The following SPMIP3 variants were observed in gnomAD, a reference collection of about 807,000 sequenced individuals.
SPMIP3 encodes sperm microtubule inner protein 3.
the SPMIP3 span, among the ~76,000 whole-genome samples, chr1:244,368,371 C>T: frequency 4.6e-5 from 7 of 152,232 alleles, no homozygotes; most frequent in Non-Finnish European, 7.3e-5. Flanking sequence ...ATCTGAACTC[C>T]TTTAACCTTC....
the SPMIP3 span, among the ~76,000 whole-genome samples, chr1:244,353,796 C>A: frequency 6.6e-6 from 1 of 152,150 alleles, no homozygotes; most frequent in Non-Finnish European, 1.5e-5. Context: ...GGGAAAACTG[C>A]CTGCCTGAGA....
chr1:244,355,280 T>G, the SPMIP3 span, among the ~76,000 whole-genome samples: 5 of 152,330 alleles, frequency 3.3e-5, no homozygotes, highest in Admixed American at 1.3e-4. Flanking sequence ...GGGTGTTAGC[T>G]GAGGTTCTTC....
At chr1:244,375,339 G>A in the SPMIP3 span, 1 of 1,526,570 alleles carries the variant, frequency 6.6e-7, no homozygotes, top group African/African-American at 1.4e-5. Flanking sequence ...TGTAAGAATG[G>A]CTTTCTTCTC....
At chr1:244,369,856 C>T in the SPMIP3 span, among the ~76,000 whole-genome samples, 3 of 151,172 alleles carry the variant, frequency 2.0e-5, no homozygotes, top group African/African-American at 7.4e-5. Flanking sequence ...TCTGCCTAGC[C>T]GGGTCACGTT....
the SPMIP3 span, among the ~76,000 whole-genome samples, chr1:244,356,403 C>T: frequency 3.9e-5 from 6 of 152,070 alleles, no homozygotes; most frequent in Admixed American, 1.3e-4. Context: ...TTATATAATG[C>T]CAAAAATCTA....
the SPMIP3 span, among the ~76,000 whole-genome samples, chr1:244,356,678 T>C: frequency 1.3e-5 from 2 of 152,202 alleles, no homozygotes; most frequent in East Asian, 3.8e-4. Context: ...AAGCCTTGAC[T>C]CATTCTTAGG....
chr1:244,362,686 A>G, the SPMIP3 span, among the ~76,000 whole-genome samples: 58,354 of 151,888 alleles, frequency 0.38, 12,142 homozygotes, highest in Middle Eastern at 0.5. Flanking sequence ...CTCCTGCTAC[A>G]CCACTAGCCA....
At chr1:244,378,482 G>A in the SPMIP3 span, 14 of 1,612,928 alleles carry the variant, frequency 8.7e-6, no homozygotes, top group Non-Finnish European at 1.1e-5. Context: ...TCATAGACTT[G>A]ACAATTCCAC....
At chr1:244,359,278 C>A in the SPMIP3 span, among the ~76,000 whole-genome samples, 1 of 152,128 alleles carries the variant, frequency 6.6e-6, no homozygotes, top group South Asian at 2.1e-4. Flanking sequence ...ATTGCTAATG[C>A]ATTTCTCTAA....
At chr1:244,356,837 G>A in the SPMIP3 span, among the ~76,000 whole-genome samples, 1 of 151,412 alleles carries the variant, frequency 6.6e-6, no homozygotes, top group African/African-American at 2.4e-5. Context: ...TTTACCATGT[G>A]CTAATTATTA....
chr1:244,373,975 T>C, the SPMIP3 span, among the ~76,000 whole-genome samples: 1 of 152,102 alleles, frequency 6.6e-6, no homozygotes, highest in East Asian at 1.9e-4. Flanking sequence ...TAGCCCGGTG[T>C]GGTGGCAGGC....
At chr1:244,382,794 C>T in the SPMIP3 span, among the ~76,000 whole-genome samples, 5 of 151,580 alleles carry the variant, frequency 3.3e-5, no homozygotes, top group Admixed American at 6.6e-5. Context: ...AGTAGAGGTG[C>T]GGTTTCACCA....
chr1:244,358,576 G>A, the SPMIP3 span, among the ~76,000 whole-genome samples: 1 of 149,902 alleles, frequency 6.7e-6, no homozygotes, highest in Admixed American at 6.6e-5. Flanking sequence ...TAGAGTGAGA[G>A]TGTCTCAAAA....
At chr1:244,361,756 G>A in the SPMIP3 span, among the ~76,000 whole-genome samples, 3 of 152,072 alleles carry the variant, frequency 2.0e-5, no homozygotes, top group Non-Finnish European at 2.9e-5. Context: ...ACCCATGACC[G>A]ATTTATTCCC....
the SPMIP3 span, among the ~76,000 whole-genome samples, chr1:244,368,207 A>G: frequency 1.3e-5 from 2 of 152,030 alleles, no homozygotes; most frequent in African/African-American, 4.8e-5. Flanking sequence ...GATCCACTCA[A>G]CTTGGCCTCC....
At chr1:244,388,763 C>T in the SPMIP3 span, among the ~76,000 whole-genome samples, 2 of 152,192 alleles carry the variant, frequency 1.3e-5, no homozygotes, top group Non-Finnish European at 2.9e-5. Context: ...TAATATGCCT[C>T]TTAATCAGAG....
At chr1:244,376,206 T>C in the SPMIP3 span, among the ~76,000 whole-genome samples, 9,814 of 152,240 alleles carry the variant, frequency 0.064, 1,103 homozygotes, top group African/African-American at 0.22. Context: ...GGTCAGATTC[T>C]TGTTCTTGCT....
chr1:244,388,671 AG>A, the SPMIP3 span, among the ~76,000 whole-genome samples: 7 of 152,230 alleles, frequency 4.6e-5, no homozygotes. Context: ...ACGACTAAAA[AG>A]GTTTGGGGGT....
chr1:244,365,976 T>C, the SPMIP3 span, among the ~76,000 whole-genome samples: 2 of 152,260 alleles, frequency 1.3e-5, no homozygotes, highest in East Asian at 1.9e-4. Flanking sequence ...GCCCTAGATC[T>C]GTCTTGTTGT....
Sources: allele counts gnomAD v4.1 joint callset (sites outside exome capture counted in the v4.1 genomes callset), GRCh38; gene constraint gnomAD v4.1.1; transcripts MANE v1.5; gene names NCBI Gene and HGNC (gene_info 2026-07-23, HGNC 2026-07-21).